Variants in DLGAP2 observed in about 807,000 individuals in gnomAD.
The protein encoded by DLGAP2 is DLG associated protein 2, also known as disks large-associated protein 2.
Under a neutral mutation model 100.3 loss-of-function variants are expected in DLGAP2, and 26 were observed. That is an observed-to-expected ratio of 0.26 (90% CI 0.19 to 0.36). The LOEUF (loss-of-function observed/expected upper bound fraction) is 0.36, where lower values mean the gene tolerates loss of function less well. Ranked by LOEUF, DLGAP2 falls within the 10% of genes least tolerant of loss-of-function variation. DLGAP2 has a pLI of 1.00. For synonymous variants in DLGAP2, 886 were observed against 630.1 expected, an observed-to-expected ratio of 1.41 and a Z score of -6.08; for missense variants, 1,858 against 1,453.2, an observed-to-expected ratio of 1.28 and a Z score of -4.53.
rs1449126836 is a variant in DLGAP2, at chr8:1,701,970, C to G, written c.*564C>G. ...TCCTGTCTGTCTCGGACAGAAAACA[C>G]GAGGCTCCTTGTGTCAAGCTTCCTG... On this transcript the variant is annotated 3_prime_UTR_variant, in exon 15 of 15. Coordinates refer to ENST00000637795, the MANE Select transcript of DLGAP2 (RefSeq NM_001346810.2). 1.3e-5 allele frequency: 2 copies of G among 152,212 alleles called. No individual in the cohort carries two copies. Among genetic ancestry groups the G allele is most frequent in the African/African-American group, 4.8e-5 (2 of 41,420 alleles). The allele number at this position is 152,212 out of a possible 1,614,324, so 9.4% of individuals were successfully genotyped here. A position where few individuals can be genotyped will look rare whatever the true frequency, so the allele number is the denominator to read the frequency against.
intron 2 of DLGAP2, among the ~76,000 whole-genome samples, chr8:1,084,327 C>T (rs558105135): frequency 1.3e-5 from 2 of 152,298 alleles, no homozygotes; most frequent in South Asian, 2.1e-4. Flanking sequence ...ATGAATCCAG[C>T]ATAGAACAAT....
At chr8:944,978 G>C (rs1799283954) in intron 2 of DLGAP2, among the ~76,000 whole-genome samples, 1 of 152,204 alleles carries the variant, frequency 6.6e-6, no homozygotes. Flanking sequence ...GATCTGTGGA[G>C]TGATAGTTGG....
At chr8:1,107,318 G>T (rs1020466544) in intron 2 of DLGAP2, among the ~76,000 whole-genome samples, 1 of 152,188 alleles carries the variant, frequency 6.6e-6, no homozygotes, top group Non-Finnish European at 1.5e-5. Context: ...CTCCAGGGCT[G>T]GGAGGCTGGG....
intron 2 of DLGAP2, among the ~76,000 whole-genome samples, chr8:1,199,179 G>A (rs1017621789): frequency 1.3e-5 from 2 of 152,214 alleles, no homozygotes; most frequent in Non-Finnish European, 1.5e-5. Flanking sequence ...GAATTCTGGG[G>A]TATTGATGAA....
chr8:805,737 A>T (rs751043152), intron 1 of DLGAP2, among the ~76,000 whole-genome samples: 1 of 152,046 alleles, frequency 6.6e-6, no homozygotes, highest in Admixed American at 6.5e-5. Context: ...AGTAGCTGGG[A>T]CTACTCCTGA....
At chr8:1,240,250 G>T (rs1317213487) in intron 2 of DLGAP2, among the ~76,000 whole-genome samples, 8 of 115,866 alleles carry the variant, frequency 6.9e-5, no homozygotes, top group African/African-American at 2.3e-4. Context: ...GCCGTGTCTA[G>T]TTCTCTTACA....
intron 2 of DLGAP2, among the ~76,000 whole-genome samples, chr8:1,194,314 G>A (rs983995487): frequency 5.3e-5 from 8 of 152,086 alleles, no homozygotes; most frequent in South Asian, 4.2e-4. Flanking sequence ...TGGCAGTGCC[G>A]CGTCCCGGCT....
At chr8:790,289 G>T (rs962275651) in intron 1 of DLGAP2, among the ~76,000 whole-genome samples, 4 of 152,194 alleles carry the variant, frequency 2.6e-5, no homozygotes, top group African/African-American at 9.7e-5. Context: ...AGAAGGGTTT[G>T]CCTGGGCTGT....
At chr8:1,570,101 A>G (rs889144625) in intron 6 of DLGAP2, among the ~76,000 whole-genome samples, 5 of 152,250 alleles carry the variant, frequency 3.3e-5, no homozygotes, top group Admixed American at 1.3e-4. Context: ...AGCTGTAGTG[A>G]GTGTGGACAA....
intron 3 of DLGAP2, among the ~76,000 whole-genome samples, chr8:1,417,160 A>G (rs62484235): frequency 0.81 from 87,967 of 108,312 alleles, 35,891 homozygotes; most frequent in East Asian, 0.94. Context: ...CTCTGAGTGA[A>G]GGGGAAGCCC....
intron 2 of DLGAP2, among the ~76,000 whole-genome samples, chr8:1,064,416 A>G (rs1237443256): frequency 6.6e-6 from 1 of 152,212 alleles, no homozygotes; most frequent in Non-Finnish European, 1.5e-5. Flanking sequence ...GATGTTGTAT[A>G]TTTGATGGAT....
In DLGAP2 at chr8:1,633,063, T is replaced by G; in HGVS notation, c.1810+17T>G. 3 of 1,613,798 alleles carry G rather than the reference T, an allele frequency of 1.9e-6. No individual in the cohort carries two copies. Among genetic ancestry groups the G allele is most frequent in the Non-Finnish European group, 2.5e-6 (3 of 1,179,792 alleles). On this transcript the variant is annotated intron_variant, in intron 8 of 14. Transcript: ENST00000637795. ...CAACAGCAGGTAAGGGGACGCCATT[T>G]TCAGCCTTCCAGCGGGGACTCTAGA...
intron 1 of DLGAP2, among the ~76,000 whole-genome samples, chr8:857,816 C>T (rs962018153): frequency 6.6e-6 from 1 of 152,156 alleles, no homozygotes; most frequent in African/African-American, 2.4e-5. Context: ...CAGTCAGGCT[C>T]CTAGGTGTTC....
intron 6 of DLGAP2, among the ~76,000 whole-genome samples, chr8:1,579,487 AAAT>A (rs1465224332): frequency 2.0e-5 from 3 of 152,188 alleles, no homozygotes; most frequent in Non-Finnish European, 2.9e-5. Flanking sequence ...AGCAAACTAA[AAAT>A]AATATCGCCA....
intron 6 of DLGAP2, among the ~76,000 whole-genome samples, chr8:1,608,763 T>C (rs1396193585): frequency 6.7e-6 from 1 of 149,130 alleles, no homozygotes; most frequent in Non-Finnish European, 1.5e-5. Context: ...CAGGAGCCGA[T>C]GCGATCAACT....
chr8:744,633 G>A (rs112473435), intron 1 of DLGAP2, among the ~76,000 whole-genome samples: 12 of 141,296 alleles, frequency 8.5e-5, no homozygotes, highest in African/African-American at 3.3e-4. Flanking sequence ...TCGCCCTCCC[G>A]GGGTGCTGGC....
At chr8:1,064,105 A>T (rs1356960935) in intron 2 of DLGAP2, among the ~76,000 whole-genome samples, 1 of 152,182 alleles carries the variant, frequency 6.6e-6, no homozygotes, top group Non-Finnish European at 1.5e-5. Flanking sequence ...GCTATGGGAA[A>T]GCTTTAGGTC....
At chr8:1,648,002 G>C (rs745850864) in intron 8 of DLGAP2, among the ~76,000 whole-genome samples, 1 of 152,128 alleles carries the variant, frequency 6.6e-6, no homozygotes, top group African/African-American at 2.4e-5. Context: ...CACAGACGTC[G>C]GTCATCTCTT....
chr8:1,570,943 C>G (rs1474393122), intron 6 of DLGAP2, among the ~76,000 whole-genome samples: 3 of 132,564 alleles, frequency 2.3e-5, no homozygotes, highest in African/African-American at 5.9e-5. Flanking sequence ...GTGGGGGTGT[C>G]TGATGAGATG....
Sources: gnomAD v4.1 joint callset for allele counts (sites outside exome capture counted in the v4.1 genomes callset) on GRCh38, gnomAD v4.1.1 for gene constraint, MANE v1.5 for transcripts, NCBI Gene and HGNC (gene_info 2026-07-23, HGNC 2026-07-21) for gene names.